The following GRM1 variants were observed in gnomAD, a reference collection of about 807,000 sequenced individuals.
GRM1 encodes metabotropic glutamate receptor 1.
GRM1 carries 33 observed loss-of-function variants against 90.9 expected under a neutral mutation model. The ratio of observed to expected loss-of-function variants is 0.36; its 90% CI spans 0.28 to 0.49. GRM1 has a LOEUF of 0.49. Among genes scored for constraint, GRM1 ranks in the 20% least tolerant of loss-of-function variants. The pLI, the probability that GRM1 is intolerant of heterozygous loss-of-function variation, is 0.99. For synonymous variants in GRM1, 700 were observed against 613.2 expected, an observed-to-expected ratio of 1.14 and a Z score of -2.09; for missense variants, 1,190 against 1,534.3, an observed-to-expected ratio of 0.78 and a Z score of 3.75.
chr6:146,176,087 C>A (rs996162350), intron 2 of GRM1, among the ~76,000 whole-genome samples: 2 of 152,074 alleles, frequency 1.3e-5, no homozygotes, highest in Non-Finnish European at 2.9e-5. Context: ...CCCTAGCGCC[C>A]TTTCAACAGT....
At chr6:146,267,482 C>T (rs971065539) in intron 2 of GRM1, among the ~76,000 whole-genome samples, 2 of 152,034 alleles carry the variant, frequency 1.3e-5, no homozygotes, top group Non-Finnish European at 2.9e-5. Context: ...TTAACATACA[C>T]GATCACAAGG....
intron 1 of GRM1, among the ~76,000 whole-genome samples, chr6:146,122,140 TA>T (rs1381085885): frequency 6.6e-6 from 1 of 152,228 alleles, no homozygotes; most frequent in African/African-American, 2.4e-5. Flanking sequence ...TAAAGGGATA[TA>T]TTTATTTTTT....
At chr6:146,382,718 A>G (rs919437735) in intron 5 of GRM1, among the ~76,000 whole-genome samples, 3 of 152,172 alleles carry the variant, frequency 2.0e-5, no homozygotes, top group African/African-American at 7.2e-5. Context: ...TTTCAAAGGT[A>G]TTAAAAGAGG....
chr6:146,423,391 G>A (rs1200496206), intron 7 of GRM1, among the ~76,000 whole-genome samples: 1 of 151,918 alleles, frequency 6.6e-6, no homozygotes, highest in Non-Finnish European at 1.5e-5. Flanking sequence ...CTGTATGCAG[G>A]GTCATTTATG....
intron 1 of GRM1, among the ~76,000 whole-genome samples, chr6:146,041,044 A>AT (rs1008465434): frequency 4.2e-4 from 63 of 151,074 alleles, no homozygotes; most frequent in Admixed American, 7.2e-4. Flanking sequence ...CCTCTGATGC[A>AT]TTTTTTTTGA....
intron 2 of GRM1, among the ~76,000 whole-genome samples, chr6:146,200,050 A>G (rs147299051): frequency 2.4e-4 from 36 of 152,292 alleles, no homozygotes; most frequent in African/African-American, 8.4e-4. Flanking sequence ...ACGTCCTCAG[A>G]GGCATCCATC....
intron 2 of GRM1, among the ~76,000 whole-genome samples, chr6:146,294,352 A>G (rs1386661905): frequency 1.3e-5 from 2 of 152,136 alleles, no homozygotes; most frequent in Non-Finnish European, 2.9e-5. Flanking sequence ...TTAGAAGTTT[A>G]AAGTTTTTAG....
At chr6:146,398,706 A>AACTTGTCTCT (rs1777054790) in intron 6 of GRM1, 63 bp from the exon 7 acceptor site, 1 of 1,079,084 alleles carries the variant, frequency 9.3e-7, no homozygotes, top group Non-Finnish European at 1.4e-6. Context: ...GGTAATTAAT[A>AACTTGTCTCT]GGCAAGTTGT....
chr6:146,127,936 TG>T (rs1261547701), intron 1 of GRM1, among the ~76,000 whole-genome samples: 1 of 152,106 alleles, frequency 6.6e-6, no homozygotes, highest in Non-Finnish European at 1.5e-5. Flanking sequence ...GCTCAAAGGC[TG>T]GGGGATGGAA....
At chr6:146,181,284 C>G (rs1413599245) in intron 2 of GRM1, among the ~76,000 whole-genome samples, 1 of 151,810 alleles carries the variant, frequency 6.6e-6, no homozygotes, top group Non-Finnish European at 1.5e-5. Flanking sequence ...ACAAATTCTC[C>G]AAAGAGTAAT....
chr6:146,195,904 C>G (rs1410092270), intron 2 of GRM1, among the ~76,000 whole-genome samples: 1 of 152,160 alleles, frequency 6.6e-6, no homozygotes, highest in Non-Finnish European at 1.5e-5. Context: ...AGAATAGATT[C>G]AACAGCAGGA....
At chr6:146,163,258 A>G (rs764258221) in intron 2 of GRM1, among the ~76,000 whole-genome samples, 2 of 152,196 alleles carry the variant, frequency 1.3e-5, no homozygotes, top group Non-Finnish European at 2.9e-5. Context: ...CAAGTTAATC[A>G]TTGTGCAAAA....
chr6:146,429,877 TTTCTGGA>T (rs942591181), intron 7 of GRM1, among the ~76,000 whole-genome samples: 2 of 152,200 alleles, frequency 1.3e-5, no homozygotes, highest in Non-Finnish European at 2.9e-5. Flanking sequence ...ATCTGTGGGC[TTTCTGGA>T]TACTGTCCTT....
At chr6:146,340,318 T>G (rs1027150995) in intron 3 of GRM1, 1 of 152,198 alleles carries the variant, frequency 6.6e-6, no homozygotes, top group Admixed American at 6.5e-5. Flanking sequence ...TAGTGCCCAT[T>G]TTTCAGCAAA....
chr6:146,141,928 G>C (rs1233591305), intron 1 of GRM1, among the ~76,000 whole-genome samples: 1 of 152,142 alleles, frequency 6.6e-6, no homozygotes, highest in African/African-American at 2.4e-5. Context: ...TGTTTTCCTG[G>C]ATAGTCTTAA....
intron 2 of GRM1, among the ~76,000 whole-genome samples, chr6:146,243,638 G>A (rs1780944770): frequency 6.6e-6 from 1 of 152,062 alleles, no homozygotes; most frequent in Non-Finnish European, 1.5e-5. Flanking sequence ...GCAAATGGAG[G>A]CAGGGCGAGA....
At chr6:146,052,269 G>A (rs768502310) in intron 1 of GRM1, among the ~76,000 whole-genome samples, 36 of 151,888 alleles carry the variant, frequency 2.4e-4, no homozygotes, top group Non-Finnish European at 4.1e-4. Flanking sequence ...TCATTTATGG[G>A]CCATAAATTC....
chr6:146,331,421 A>T (rs1412117110), intron 3 of GRM1, among the ~76,000 whole-genome samples: 2 of 152,244 alleles, frequency 1.3e-5, no homozygotes, highest in Non-Finnish European at 2.9e-5. Flanking sequence ...TAAACAAGAA[A>T]TAATGGAAAA....
intron 7 of GRM1, among the ~76,000 whole-genome samples, chr6:146,422,112 A>T (rs1339854668): frequency 6.6e-6 from 1 of 152,142 alleles, no homozygotes; most frequent in African/African-American, 2.4e-5. Flanking sequence ...AAGACTGACC[A>T]TCTGGAATTG....
Sources: gnomAD v4.1 joint callset for allele counts (sites outside exome capture counted in the v4.1 genomes callset) on GRCh38, gnomAD v4.1.1 for gene constraint, MANE v1.5 for transcripts, NCBI Gene and HGNC (gene_info 2026-07-23, HGNC 2026-07-21) for gene names.